ARHGAP12: variants seen among roughly 807,000 people sequenced by gnomAD.
The protein encoded by ARHGAP12 is rho GTPase-activating protein 12.
In ARHGAP12, 64 loss-of-function variants were observed where a neutral mutation model predicts 108.6. The observed-to-expected ratio is 0.59, with a 90% CI of 0.48 to 0.73. The LOEUF (loss-of-function observed/expected upper bound fraction) is 0.73, where lower values mean the gene tolerates loss of function less well. Ranked by LOEUF, ARHGAP12 falls within the 30% of genes least tolerant of loss-of-function variation. The pLI is 0.00. For synonymous variants in ARHGAP12, 312 were observed against 337.2 expected, an observed-to-expected ratio of 0.93 and a Z score of 0.82; for missense variants, 940 against 1,005.9, an observed-to-expected ratio of 0.93 and a Z score of 0.89.
At chr10:31,839,874 A>G (rs1400247682) in intron 7 of ARHGAP12, among the ~76,000 whole-genome samples, 163 bp from the exon 8 acceptor site, 1 of 152,158 alleles carries the variant, frequency 6.6e-6, no homozygotes, top group Admixed American at 6.5e-5. Flanking sequence ...TTTTAAAACT[A>G]CAAACGTTAT....
Position 31,927,288 on chromosome 10 carries a change from TC to T in ARHGAP12, c.-111+1394del, listed in dbSNP as rs1433627071. On this transcript the variant is annotated intron_variant, in intron 1 of 19. Transcript: ENST00000344936. ...GAGGAGGTAGAGGAAGATGACCGAT[TC>T]TGTAAAACACCCTCCTACAGATAAA... Among the ~76,000 whole-genome samples the T allele has an allele frequency of 4.1e-5, 6 of 146,196 alleles. No homozygotes were observed. The Admixed American group carries it at 4.1e-4, about 10-fold the overall frequency.
At chr10:31,862,723 C>G (rs1047623933) in intron 3 of ARHGAP12, among the ~76,000 whole-genome samples, 19 of 149,178 alleles carry the variant, frequency 1.3e-4, no homozygotes, top group East Asian at 2.0e-4. Context: ...CACACACACA[C>G]ACACACACAC....
chr10:31,876,511 A>AAAAAAC (rs1185321639), intron 3 of ARHGAP12, among the ~76,000 whole-genome samples: 18 of 150,888 alleles, frequency 1.2e-4, no homozygotes, highest in East Asian at 3.9e-4. Context: ...TCCATCTCAA[A>AAAAAAC]AAAAACAAAA....
chr10:31,925,701 T>C (rs751735161), intron 1 of ARHGAP12, among the ~76,000 whole-genome samples: 2 of 152,180 alleles, frequency 1.3e-5, no homozygotes, highest in Non-Finnish European at 2.9e-5. Flanking sequence ...TTCTCAAGGA[T>C]TGCTGATGAG....
At chr10:31,892,667 T>A (rs186637908) in intron 3 of ARHGAP12, among the ~76,000 whole-genome samples, 1 of 151,990 alleles carries the variant, frequency 6.6e-6, no homozygotes, top group South Asian at 2.1e-4. Flanking sequence ...GACTTTAACA[T>A]CCCACTGTCA....
At chr10:31,889,644 T>TTTTG (rs1360878296) in intron 3 of ARHGAP12, among the ~76,000 whole-genome samples, 2 of 126,006 alleles carry the variant, frequency 1.6e-5, no homozygotes, top group African/African-American at 7.4e-5. Flanking sequence ...TTTTTTTTTT[T>TTTTG]GAGACAGGAT....
intron 3 of ARHGAP12, among the ~76,000 whole-genome samples, chr10:31,870,737 GA>G (rs1048206837): frequency 3.2e-4 from 48 of 152,128 alleles, no homozygotes; most frequent in African/African-American, 1.1e-3. Context: ...CTTCCTAAAA[GA>G]AAGTCATTTA....
At chr10:31,869,069 T>C (rs1039773071) in intron 3 of ARHGAP12, among the ~76,000 whole-genome samples, 1 of 152,170 alleles carries the variant, frequency 6.6e-6, no homozygotes, top group African/African-American at 2.4e-5. Context: ...AATTCTTAAG[T>C]CCATACCACC....
chr10:31,889,619 GTTTTTTTTTTT>G (rs869116452), intron 3 of ARHGAP12, among the ~76,000 whole-genome samples: 3 of 66,444 alleles, frequency 4.5e-5, no homozygotes, highest in Admixed American at 2.2e-4. Flanking sequence ...AATTTTTCTC[GTTTTTTTTTTT>G]TTTTTTTTTT....
chr10:31,911,645 CA>C lies in ARHGAP12; in HGVS notation c.-110-1083del, dbSNP rs540886553. Among the ~76,000 whole-genome samples the C allele has an allele frequency of 2.2e-3, 332 of 152,256 alleles. 2 individuals are homozygous for C. Among genetic ancestry groups the C allele is most frequent in the Middle Eastern group, 6.8e-3 (2 of 294 alleles). On this transcript the variant is annotated intron_variant, in intron 1 of 19. Transcript: ENST00000344936. ...TCTTAAATAGGATAAAATACCTTAACAATGGAAAGATGTGGTGGCATAAGCT... is the reference window on the plus strand; with the variant it reads ...TCTTAAATAGGATAAAATACCTTAACATGGAAAGATGTGGTGGCATAAGCT...
In ARHGAP12 at chr10:31,839,670, C is replaced by T; in HGVS notation, c.1338G>A (p.Glu446=). Residue 446 remains glutamate, a synonymous_variant, in exon 8 of 20, where the codon GAG becomes GAA. Transcript: ENST00000344936. ...TASKPCFPEN[E]SSPSSPKHQD... is the part of the protein sequence containing the mutation. ...GGTGCTTTGGTGAGGAGGGAGAAGA[C>T]TCATTTTCAGGAAAGCAGGGTTTTG... is the stretch of plus-strand genomic sequence containing the variant. 1 of 1,608,934 alleles carries T rather than the reference C, an allele frequency of 6.2e-7. No individual in the cohort carries two copies. Among genetic ancestry groups the T allele is most frequent in the Non-Finnish European group, 8.5e-7 (1 of 1,176,648 alleles).
chr10:31,841,841 A>G (rs1278002736), intron 7 of ARHGAP12, among the ~76,000 whole-genome samples: 1 of 152,148 alleles, frequency 6.6e-6, no homozygotes, highest in Non-Finnish European at 1.5e-5. Flanking sequence ...CCCTTATCAC[A>G]TATTAGCTAG....
intron 13 of ARHGAP12, among the ~76,000 whole-genome samples, chr10:31,814,806 T>A (rs919830531): frequency 1.3e-5 from 2 of 152,064 alleles, no homozygotes; most frequent in African/African-American, 4.8e-5. Context: ...AGATTCACGG[T>A]TGTCAACGGA....
chr10:31,872,150 A>G lies in ARHGAP12; in HGVS notation c.685-10492T>C, dbSNP rs952561487. The stretch of plus-strand genomic sequence containing the variant: ...TAGCACTTGCACAAATTGGCACTCA[A>G]TAAGTTCCTGAGTGAAAATTATTTT... On this transcript the variant is annotated intron_variant, in intron 3 of 19. Transcript: ENST00000344936. Among the ~76,000 whole-genome samples, 7 of 152,180 alleles carry G rather than the reference A, an allele frequency of 4.6e-5. No individual in the cohort carries two copies. In the East Asian group the frequency reaches 5.8e-4, roughly 13 times the overall value.
chr10:31,849,241 C>T (rs561870752), intron 6 of ARHGAP12, among the ~76,000 whole-genome samples: 15 of 152,066 alleles, frequency 9.9e-5, no homozygotes, highest in Admixed American at 9.2e-4. Context: ...TTATTTCTTT[C>T]TCTCAATCCT....
intron 1 of ARHGAP12, among the ~76,000 whole-genome samples, chr10:31,919,389 T>C (rs536415098): frequency 4.4e-4 from 67 of 152,336 alleles, no homozygotes; most frequent in African/African-American, 1.5e-3. Flanking sequence ...TCATGTTATA[T>C]ATATTTCACT....
intron 7 of ARHGAP12, among the ~76,000 whole-genome samples, chr10:31,840,088 G>A (rs1284529901): frequency 2.0e-5 from 3 of 151,918 alleles, no homozygotes; most frequent in Non-Finnish European, 4.4e-5. Context: ...CTCTTGGTAT[G>A]GTAAGTATAA....
At chr10:31,866,523 G>A (rs376487209) in intron 3 of ARHGAP12, among the ~76,000 whole-genome samples, 2 of 152,000 alleles carry the variant, frequency 1.3e-5, no homozygotes, top group Non-Finnish European at 2.9e-5. Context: ...TAGCAATCTC[G>A]GTGAGTGAAC....
chr10:31,877,342 T>C (rs921412534), intron 3 of ARHGAP12, among the ~76,000 whole-genome samples: 1 of 152,206 alleles, frequency 6.6e-6, no homozygotes, highest in African/African-American at 2.4e-5. Flanking sequence ...TCAATAAAAA[T>C]ATATCAGAAT....
Sources: gnomAD v4.1 joint callset for allele counts (sites outside exome capture counted in the v4.1 genomes callset) on GRCh38, gnomAD v4.1.1 for gene constraint, MANE v1.5 for transcripts, NCBI Gene and HGNC (gene_info 2026-07-23, HGNC 2026-07-21) for gene names.